The following RBBP8 variants were observed in gnomAD, a reference collection of about 807,000 sequenced individuals.
The protein encoded by RBBP8 is RB binding protein 8, endonuclease.
RBBP8 carries 88 observed loss-of-function variants against 108.3 expected under a neutral mutation model. The observed-to-expected ratio is 0.81, with a 90% CI of 0.68 to 0.97. RBBP8 has a LOEUF of 0.97. RBBP8 is among the 50% of genes least tolerant of loss of function. The pLI is 0.00. For missense variants in RBBP8, 1,023 were observed against 1,049.0 expected, an observed-to-expected ratio of 0.98 and a Z score of 0.34; for synonymous variants, 332 against 348.2, an observed-to-expected ratio of 0.95 and a Z score of 0.52.
chr18:22,926,500 T>C (rs909447414), intron 3 of RBBP8, among the ~76,000 whole-genome samples: 1 of 152,194 alleles, frequency 6.6e-6, no homozygotes, highest in African/African-American at 2.4e-5. Context: ...CCCATTATAA[T>C]TTAAACCTGG....
intron 4 of RBBP8, among the ~76,000 whole-genome samples, chr18:22,961,987 A>C (rs899023132): frequency 5.3e-5 from 8 of 152,280 alleles, no homozygotes; most frequent in Non-Finnish European, 5.9e-5. Context: ...TTACCTTCCT[A>C]ATTTCTGAGT....
At chr18:22,957,148 ATT>A (rs1912629234) in intron 4 of RBBP8, among the ~76,000 whole-genome samples, 1 of 152,162 alleles carries the variant, frequency 6.6e-6, no homozygotes, top group Admixed American at 6.5e-5. Context: ...TGTTGCTGTT[ATT>A]CATAGATTTG....
chr18:23,013,025 T>G (rs1372972077), intron 16 of RBBP8, among the ~76,000 whole-genome samples: 1 of 152,044 alleles, frequency 6.6e-6, no homozygotes, highest in Non-Finnish European at 1.5e-5. Flanking sequence ...TGACAGCACA[T>G]CTGTTTATGG....
At chr18:22,968,257 A>G (rs1051607713) in intron 4 of RBBP8, among the ~76,000 whole-genome samples, 18 of 151,874 alleles carry the variant, frequency 1.2e-4, no homozygotes, top group Non-Finnish European at 2.5e-4. Context: ...ATTTTTTAGT[A>G]GAGACGGTGT....
intron 6 of RBBP8, among the ~76,000 whole-genome samples, chr18:22,977,325 A>G (rs1053541897): frequency 6.6e-6 from 1 of 152,048 alleles, no homozygotes; most frequent in Admixed American, 6.6e-5. Context: ...TGAACTTTAG[A>G]AGAAAATATT....
chr18:22,948,479 A>G (rs1911756203), intron 3 of RBBP8, among the ~76,000 whole-genome samples: 1 of 152,176 alleles, frequency 6.6e-6, no homozygotes, highest in Non-Finnish European at 1.5e-5. Context: ...ATGTCCCTAC[A>G]TGCTACCATA....
intron 6 of RBBP8, among the ~76,000 whole-genome samples, chr18:22,980,512 G>A (rs1274443280): frequency 6.6e-6 from 1 of 152,126 alleles, no homozygotes; most frequent in Non-Finnish European, 1.5e-5. Context: ...TGCTTGGTGT[G>A]TTTGGGGAAC....
rs750079074 is a variant in RBBP8, at chr18:22,993,587, C to T, written c.1760C>T (p.Pro587Leu). 1.9e-6 allele frequency: 3 copies of T among 1,614,028 alleles called. No individual in the cohort carries two copies. In the Admixed American group the frequency reaches 5.0e-5, roughly 27 times the overall value. Residue 587 changes from proline to leucine, a missense_variant, in exon 11 of 19, where the codon CCT becomes CTT. Coordinates refer to ENST00000327155, the MANE Select transcript of RBBP8 (RefSeq NM_002894.3). ...GAAGAAAATGCTGTCTTTAAAATTC[C>T]TCTACGTCCACGTGAAAGTTTGGAG... ...IKEENAVFKI[P>L]LRPRESLETE... is the part of the protein sequence containing the mutation.
rs2045882525 is a variant in RBBP8 at position 22,997,639 on chromosome 18, T to C, written c.2048T>C (p.Leu683Ser). Residue 683 changes from leucine (L) to serine (S), a missense_variant, in exon 14 of 19, where the codon TTA (leucine) becomes TCA (serine). Physicochemically the swap from Leu to Ser is moderately radical, Grantham distance 145 (BLOSUM62 -2). Transcript: ENST00000327155. ...IDTKDGSQSK[L>S]GGETVDMDCT... is the part of the protein sequence containing the mutation. ...ATTTAGGATGGCAGTCAGTCAAAATTAGGAGGAGAGACAGTGGACATGGAC... is the reference window on the plus strand; with the variant it reads ...ATTTAGGATGGCAGTCAGTCAAAATCAGGAGGAGAGACAGTGGACATGGAC... 1 of 1,605,742 alleles carries C rather than the reference T, an allele frequency of 6.2e-7. No individual in the cohort carries two copies. Among genetic ancestry groups the C allele is most frequent in the South Asian group, 1.1e-5 (1 of 89,796 alleles).
intron 4 of RBBP8, among the ~76,000 whole-genome samples, chr18:22,962,675 A>T (rs776189122): frequency 6.8e-6 from 1 of 147,018 alleles, no homozygotes; most frequent in Non-Finnish European, 1.5e-5. Context: ...CCCCGAGCTC[A>T]CACACATACA....
intron 2 of RBBP8, among the ~76,000 whole-genome samples, chr18:22,938,072 T>C (rs1305512020): frequency 6.6e-6 from 1 of 151,728 alleles, no homozygotes; most frequent in Non-Finnish European, 1.5e-5. Context: ...AGCAGTCCAC[T>C]GGCCTCAGCC....
At chr18:23,017,653 C>CAA (rs201428129) in intron 17 of RBBP8, among the ~76,000 whole-genome samples, 1 of 96,936 alleles carries the variant, frequency 1.0e-5, no homozygotes. Context: ...GACTCCGTCT[C>CAA]AAAAAAAAAA....
intron 17 of RBBP8, 75 bp downstream of exon 17, chr18:23,016,999 C>T (rs550886996): frequency 9.2e-6 from 10 of 1,082,354 alleles, no homozygotes; most frequent in South Asian, 2.6e-5. Context: ...TTTAAAATCA[C>T]GTATACAAAC....
chr18:22,920,748 A>G (rs981367878), intron 3 of RBBP8: 1 of 152,200 alleles, frequency 6.6e-6, no homozygotes, highest in Admixed American at 6.5e-5. Flanking sequence ...GTAGTCCATG[A>G]CCATCTGACT....
At chr18:22,967,645 A>ATTT (rs1410826642) in intron 4 of RBBP8, among the ~76,000 whole-genome samples, 4 of 131,500 alleles carry the variant, frequency 3.0e-5, no homozygotes, top group African/African-American at 8.7e-5. Context: ...GCTATTTCGT[A>ATTT]TTTTTTTTTT....
Position 23,016,833 on chromosome 18 carries a change from C to T in RBBP8, c.2363C>T (p.Thr788Ile), listed in dbSNP as rs767345947. The T allele has an allele frequency of 2.5e-6, 4 of 1,611,720 alleles. No individual in the cohort carries two copies. The highest frequency in any genetic ancestry group is 3.4e-6 in the Non-Finnish European group (4 of 1,178,002). ...EPYFKGDERE[T>I]SLQNFPHIEV... ...TTAATTCATTTTTCCCCCAGAGAGA[C>T]TAGCTTGCAAAATTTTCCTCATATT... Residue 788 changes from threonine to isoleucine, a missense_variant, in exon 17 of 19, where the codon ACT becomes ATT. By Grantham distance (89) the Thr-to-Ile change is moderately conservative. Coordinates refer to ENST00000327155, the MANE Select transcript of RBBP8 (RefSeq NM_002894.3).
At chr18:22,946,678 A>G (rs1418543647) in intron 3 of RBBP8, among the ~76,000 whole-genome samples, 192 bp downstream of exon 3, 5 of 152,120 alleles carry the variant, frequency 3.3e-5, no homozygotes, top group Non-Finnish European at 7.4e-5. Flanking sequence ...TCTAAAGTAA[A>G]AAGAATAATT....
At chr18:22,934,464 GA>G (rs1910328269) in intron 1 of RBBP8, among the ~76,000 whole-genome samples, 1 of 152,088 alleles carries the variant, frequency 6.6e-6, no homozygotes, top group Non-Finnish European at 1.5e-5. Flanking sequence ...TGACTTAATA[GA>G]AATCGTTTAT....
intron 4 of RBBP8, among the ~76,000 whole-genome samples, chr18:22,966,719 C>CTTTTTTTT (rs796853895): frequency 5.5e-5 from 7 of 128,116 alleles, no homozygotes; most frequent in Non-Finnish European, 9.8e-5. Flanking sequence ...TACTTACTAT[C>CTTTTTTTT]TTTTTTTTTT....
Sources: gnomAD v4.1 joint callset for allele counts (sites outside exome capture counted in the v4.1 genomes callset) on GRCh38, gnomAD v4.1.1 for gene constraint, MANE v1.5 for transcripts, NCBI Gene and HGNC (gene_info 2026-07-23, HGNC 2026-07-21) for gene names.